Variants in PAK1 observed in about 807,000 individuals in gnomAD.
The protein encoded by PAK1 is p21 (RAC1) activated kinase 1, also known as serine/threonine-protein kinase PAK 1.
Under a neutral mutation model 67.4 loss-of-function variants are expected in PAK1, and 29 were observed. The ratio of observed to expected loss-of-function variants is 0.43; its 90% CI spans 0.32 to 0.59. PAK1 has a LOEUF of 0.59. Ranked by LOEUF, PAK1 falls within the 20% of genes least tolerant of loss-of-function variation. The probability of loss-of-function intolerance (pLI) is 0.07; values close to 1 mark genes in which losing one functional copy is unlikely to be tolerated. For missense variants in PAK1, 337 were observed against 670.7 expected, an observed-to-expected ratio of 0.50 and a Z score of 5.50; for synonymous variants, 223 against 237.4, an observed-to-expected ratio of 0.94 and a Z score of 0.56.
At chr11:77,486,191 G>A in the PAK1 span, among the ~76,000 whole-genome samples, 405 of 152,210 alleles carry the variant, frequency 2.7e-3, 3 homozygotes, top group South Asian at 0.015. Context: ...CTAAGATATC[G>A]GTGGGGGTAT....
chr11:77,501,150 C>CAA, the PAK1 span, among the ~76,000 whole-genome samples: 17 of 105,508 alleles, frequency 1.6e-4, no homozygotes, highest in African/African-American at 3.7e-4. Flanking sequence ...GACTCCGTCT[C>CAA]AAAAAAAAAA....
chr11:77,460,348 A>C (rs1957287194), intron 1 of PAK1, among the ~76,000 whole-genome samples: 2 of 147,244 alleles, frequency 1.4e-5, no homozygotes, highest in South Asian at 4.3e-4. Context: ...TTTTAAAGTT[A>C]AGTTTGGCAC....
intron 1 of PAK1, among the ~76,000 whole-genome samples, chr11:77,456,900 C>G (rs1957106217): frequency 6.6e-6 from 1 of 152,026 alleles, no homozygotes; most frequent in African/African-American, 2.4e-5. Context: ...CACCACCACG[C>G]CCGGCTAATT....
At chr11:77,425,087 T>A (rs1955477904) in intron 1 of PAK1, among the ~76,000 whole-genome samples, 1 of 152,208 alleles carries the variant, frequency 6.6e-6, no homozygotes. Flanking sequence ...CAAGGCTGTT[T>A]TAAATATCTA....
chr11:77,464,027 A>G (rs566721308), intron 1 of PAK1, among the ~76,000 whole-genome samples: 58 of 152,366 alleles, frequency 3.8e-4, no homozygotes, highest in African/African-American at 1.3e-3. Context: ...ACAATTCAAC[A>G]TATAACCAAT....
chr11:77,462,452 C>G (rs1480468254), intron 1 of PAK1, among the ~76,000 whole-genome samples: 2 of 152,178 alleles, frequency 1.3e-5, no homozygotes, highest in Non-Finnish European at 2.9e-5. Context: ...TTCTTCTCTC[C>G]TCTCTTCTCC....
intron 1 of PAK1, among the ~76,000 whole-genome samples, chr11:77,433,469 A>T (rs1026117976): frequency 6.6e-6 from 1 of 152,186 alleles, no homozygotes; most frequent in Non-Finnish European, 1.5e-5. Flanking sequence ...AGGATATATA[A>T]AGAACTCTTA....
chr11:77,333,001 A>G (rs138726111), intron 13 of PAK1, 134 bp from the exon 14 acceptor site: 2 of 748,482 alleles, frequency 2.7e-6, no homozygotes, highest in East Asian at 2.5e-5. Context: ...TATATACTGG[A>G]AAGAGTATGA....
At chr11:77,414,387 T>A (rs533212441) in intron 1 of PAK1, among the ~76,000 whole-genome samples, 1 of 152,376 alleles carries the variant, frequency 6.6e-6, no homozygotes, top group East Asian at 1.9e-4. Context: ...AAGCTTTAAA[T>A]ATGTGTAAAT....
At chr11:77,484,231 A>T in the PAK1 span, among the ~76,000 whole-genome samples, 1 of 151,678 alleles carries the variant, frequency 6.6e-6, no homozygotes, top group Non-Finnish European at 1.5e-5. Context: ...AAAAAAAAAA[A>T]GGAAAGCTGA....
intron 1 of PAK1, among the ~76,000 whole-genome samples, chr11:77,449,691 T>TAAAAAAAAAAAAAAAA (rs35907304): frequency 8.8e-6 from 1 of 113,946 alleles, no homozygotes. Context: ...ATCCTATAGG[T>TAAAAAAAAAAAAAAAA]AAAAAAAAAA....
chr11:77,487,618 C>T, the PAK1 span, among the ~76,000 whole-genome samples: 2 of 151,984 alleles, frequency 1.3e-5, no homozygotes, highest in Admixed American at 1.3e-4. Flanking sequence ...GACTGAAGAG[C>T]CTTGGGTCTT....
chr11:77,329,910 C>T (rs1441850839), intron 14 of PAK1, among the ~76,000 whole-genome samples: 1 of 152,130 alleles, frequency 6.6e-6, no homozygotes, highest in Non-Finnish European at 1.5e-5. Flanking sequence ...AAAATCTCCT[C>T]AAGCTGATAA....
intron 1 of PAK1, among the ~76,000 whole-genome samples, chr11:77,458,738 T>C (rs1414055843): frequency 6.6e-6 from 1 of 152,202 alleles, no homozygotes; most frequent in Non-Finnish European, 1.5e-5. Flanking sequence ...TGAACTTCAA[T>C]ACTAATTATA....
intron 10 of PAK1, among the ~76,000 whole-genome samples, chr11:77,342,263 G>A (rs1338173944): frequency 1.3e-5 from 2 of 151,764 alleles, no homozygotes; most frequent in Non-Finnish European, 2.9e-5. Flanking sequence ...GGAACTATTT[G>A]AGGGCAAAGA....
At chr11:77,376,695 C>T (rs1425746122) in intron 4 of PAK1, among the ~76,000 whole-genome samples, 2 of 146,274 alleles carry the variant, frequency 1.4e-5, no homozygotes, top group African/African-American at 5.1e-5. Flanking sequence ...CGAGATCGCG[C>T]TGCTGCACTC....
intron 1 of PAK1, among the ~76,000 whole-genome samples, chr11:77,439,135 G>A (rs1013534639): frequency 3.9e-5 from 6 of 152,098 alleles, no homozygotes; most frequent in Non-Finnish European, 8.8e-5. Context: ...TGGCTTTTAA[G>A]CCAAACTAAA....
At chr11:77,501,150 CA>C in the PAK1 span, among the ~76,000 whole-genome samples, 10,635 of 105,382 alleles carry the variant, frequency 0.1, 584 homozygotes, top group East Asian at 0.29. Context: ...GACTCCGTCT[CA>C]AAAAAAAAAA....
chr11:77,419,505 C>T (rs1052051420), intron 1 of PAK1, among the ~76,000 whole-genome samples: 1 of 152,162 alleles, frequency 6.6e-6, no homozygotes, highest in South Asian at 2.1e-4. Flanking sequence ...CTCCTGCTAA[C>T]TCTATTATAA....
Sources: allele counts gnomAD v4.1 joint callset (sites outside exome capture counted in the v4.1 genomes callset), GRCh38; gene constraint gnomAD v4.1.1; transcripts MANE v1.5; gene names NCBI Gene and HGNC (gene_info 2026-07-23, HGNC 2026-07-21).